The following FAM13B variants were observed in gnomAD, a reference collection of about 807,000 sequenced individuals.
FAM13B encodes protein FAM13B.
A neutral mutation model predicts 117.3 loss-of-function variants in FAM13B; 60 were observed. The observed-to-expected ratio is 0.51, with a 90% confidence interval of 0.42 to 0.63. FAM13B has a LOEUF of 0.63. Ranked by LOEUF, FAM13B falls within the 30% of genes least tolerant of loss-of-function variation. The probability of loss-of-function intolerance (pLI) is 0.00; values close to 1 mark genes in which losing one functional copy is unlikely to be tolerated. For missense variants in FAM13B, 972 were observed against 1,091.9 expected, an observed-to-expected ratio of 0.89 and a Z score of 1.55; for synonymous variants, 332 against 356.1, an observed-to-expected ratio of 0.93 and a Z score of 0.76.
intron 15 of FAM13B, 53 bp downstream of exon 15, chr5:137,954,113 G>T: frequency 2.6e-6 from 3 of 1,134,702 alleles, no homozygotes; most frequent in Non-Finnish European, 3.7e-6. Flanking sequence ...TCTCTCAAAA[G>T]ACTTGGGTAC....
chr5:137,964,667 G>A (rs1206383723), intron 10 of FAM13B, among the ~76,000 whole-genome samples: 2 of 152,050 alleles, frequency 1.3e-5, no homozygotes, highest in Non-Finnish European at 2.9e-5. Context: ...GCTGCAGTGA[G>A]CCAAGATTGC....
intron 18 of FAM13B, 193 bp from the exon 19 acceptor site, chr5:137,946,504 T>A (rs1412355315): frequency 1.0e-5 from 5 of 489,284 alleles, no homozygotes; most frequent in African/African-American, 1.0e-4. Flanking sequence ...CTGTACAATT[T>A]GCTCTTATAA....
At chr5:137,981,874 C>T (rs1270487377) in intron 10 of FAM13B, among the ~76,000 whole-genome samples, 1 of 151,516 alleles carries the variant, frequency 6.6e-6, no homozygotes, top group Non-Finnish European at 1.5e-5. Context: ...AGTGGGAGGG[C>T]CTGCCATAAA....
chr5:138,041,878 G>A (rs1791511245), intron 1 of FAM13B, among the ~76,000 whole-genome samples: 1 of 151,362 alleles, frequency 6.6e-6, no homozygotes, highest in South Asian at 2.1e-4. Flanking sequence ...GGGTGGCAGA[G>A]CAAGACCCTG....
At position 138,011,842 on chromosome 5, in the gene FAM13B, G is replaced by A. The variant is rs898541970; in HGVS notation, c.474C>T (p.Ala158=). Residue 158 remains alanine, a synonymous_variant, in exon 5 of 24, where the codon GCC becomes GCT. Coordinates refer to ENST00000689681, the MANE Select transcript of FAM13B (RefSeq NM_001385994.1). ...SLLKFLCRFL[A]NVASHHEEIW... ...TTTCTTCATGATGTGATGCTACATT[G>A]GCTAAAAATCTACACAGAAACTTTA... 1.9e-6 allele frequency: 3 copies of A among 1,607,612 alleles called. No individual in the cohort carries two copies. Among genetic ancestry groups the A allele is most frequent in the Admixed American group, 3.4e-5 (2 of 58,632 alleles).
At chr5:137,967,896 A>G (rs1162513888) in intron 10 of FAM13B, among the ~76,000 whole-genome samples, 1 of 151,948 alleles carries the variant, frequency 6.6e-6, no homozygotes, top group Non-Finnish European at 1.5e-5. Context: ...CCTGTCTCAA[A>G]AAATAGAATA....
chr5:137,983,365 C>T (rs912436745), intron 10 of FAM13B, among the ~76,000 whole-genome samples: 5 of 151,722 alleles, frequency 3.3e-5, no homozygotes, highest in Non-Finnish European at 5.9e-5. Context: ...AATGAATGGT[C>T]GGAGGAAAGG....
At chr5:138,024,984 C>T (rs1787897444) in intron 1 of FAM13B, among the ~76,000 whole-genome samples, 1 of 151,820 alleles carries the variant, frequency 6.6e-6, no homozygotes, top group South Asian at 2.1e-4. Context: ...GATTCTCGTG[C>T]CTCAGCCTCC....
intron 4 of FAM13B, among the ~76,000 whole-genome samples, chr5:138,016,398 G>A (rs770445924): frequency 1.2e-4 from 18 of 152,190 alleles, no homozygotes; most frequent in East Asian, 1.9e-4. Flanking sequence ...ACTGAGACAG[G>A]AGGATCACTT....
intron 10 of FAM13B, among the ~76,000 whole-genome samples, chr5:137,963,375 A>G (rs1207493672): frequency 6.6e-6 from 1 of 152,246 alleles, no homozygotes; most frequent in Non-Finnish European, 1.5e-5. Context: ...CCTCAAACTT[A>G]AAAAATTTTA....
intron 17 of FAM13B, 140 bp downstream of exon 17, chr5:137,952,488 A>G (rs965705819): frequency 1.7e-6 from 1 of 581,862 alleles, no homozygotes; most frequent in Admixed American, 3.1e-5. Flanking sequence ...GACCCTAATA[A>G]AACAAAAAAA....
At chr5:138,035,771 T>G (rs897389002), upstream of FAM13B, among the ~76,000 whole-genome samples, 21 of 152,194 alleles carry the variant, frequency 1.4e-4, no homozygotes, top group Non-Finnish European at 2.9e-4. Flanking sequence ...TAACTAATCA[T>G]AACCAAATCT....
At chr5:137,949,529 C>T (rs1274931939) in intron 17 of FAM13B, among the ~76,000 whole-genome samples, 3 of 152,182 alleles carry the variant, frequency 2.0e-5, no homozygotes, top group African/African-American at 7.2e-5. Flanking sequence ...CCTATAATCA[C>T]AGCACTTTGG....
chr5:138,007,032 A>T lies in FAM13B; in HGVS notation c.806T>A (p.Met269Lys). The T allele has an allele frequency of 1.7e-5, 27 of 1,611,980 alleles. No homozygotes were observed. The highest frequency in any genetic ancestry group is 2.3e-5 in the Non-Finnish European group (27 of 1,179,568). ...NDMPEVVQLR[M>K]TENILESNSV... ...ATTTGATTCCAGGATGTTTTCAGTC[A>T]TCCTTAATTGTACCACCTCTGGCAT... is the stretch of plus-strand genomic sequence containing the variant. The change falls in exon 7 of 24, where the codon ATG (methionine) becomes AAG (lysine). Residue 269 changes from methionine to lysine, a missense_variant. Physicochemically the swap from Met to Lys is moderately conservative, Grantham distance 95. Transcript: ENST00000689681.
intron 17 of FAM13B, among the ~76,000 whole-genome samples, chr5:137,949,663 G>A (rs1222545296): frequency 1.3e-5 from 2 of 152,042 alleles, no homozygotes; most frequent in African/African-American, 4.8e-5. Flanking sequence ...GCCTGTACCT[G>A]GTGGCACACA....
At chr5:137,966,864 T>C (rs567384901) in intron 10 of FAM13B, among the ~76,000 whole-genome samples, 6 of 152,166 alleles carry the variant, frequency 3.9e-5, no homozygotes, top group Non-Finnish European at 8.8e-5. Flanking sequence ...AAAGGTGGCA[T>C]TTCATATTGG....
chr5:138,037,740 T>C (rs888315365), upstream of FAM13B, among the ~76,000 whole-genome samples: 2 of 152,130 alleles, frequency 1.3e-5, no homozygotes, highest in African/African-American at 2.4e-5. Context: ...TAGATTAACT[T>C]GAGTTCAGTC....
At chr5:137,986,402 G>T (rs1777224653) in intron 9 of FAM13B, among the ~76,000 whole-genome samples, 1 of 140,558 alleles carries the variant, frequency 7.1e-6, no homozygotes, top group Non-Finnish European at 1.5e-5. Context: ...GAATCTTCTA[G>T]ATTTGGGTAC....
chr5:137,947,845 A>G (rs1763866397), intron 18 of FAM13B, among the ~76,000 whole-genome samples: 1 of 152,144 alleles, frequency 6.6e-6, no homozygotes. Context: ...TCGGCCTCCC[A>G]AAGTGCTGGG....
Sources: allele counts gnomAD v4.1 joint callset (sites outside exome capture counted in the v4.1 genomes callset), GRCh38; gene constraint gnomAD v4.1.1; transcripts MANE v1.5; gene names NCBI Gene and HGNC (gene_info 2026-07-23, HGNC 2026-07-21).